Variants in CDH12 observed in about 807,000 individuals in gnomAD.
CDH12 encodes cadherin 12.
In CDH12, 41 loss-of-function variants were observed where a neutral mutation model predicts 74.1. The ratio of observed to expected loss-of-function variants is 0.55; its 90% CI spans 0.43 to 0.72. The LOEUF is 0.72. CDH12 is among the 30% of genes least tolerant of loss of function. The pLI is 0.00. For missense variants in CDH12, 945 were observed against 977.2 expected (o/e 0.97, Z 0.44); for synonymous variants, 399 against 355.0 (o/e 1.12, Z -1.39).
intron 1 of CDH12, among the ~76,000 whole-genome samples, chr5:22,513,236 C>T (rs1409323687): frequency 5.3e-5 from 8 of 152,102 alleles, no homozygotes; most frequent in Admixed American, 5.2e-4. Flanking sequence ...ACTGTGAGGT[C>T]CACCACCAAC....
chr5:22,747,221 G>C (rs547032619), intron 1 of CDH12, among the ~76,000 whole-genome samples: 4 of 152,004 alleles, frequency 2.6e-5, no homozygotes, highest in Non-Finnish European at 2.9e-5. Flanking sequence ...TTACAGAAAG[G>C]CTTACCTATA....
intron 4 of CDH12, among the ~76,000 whole-genome samples, chr5:22,124,084 C>T (rs1444145365): frequency 3.3e-5 from 5 of 151,932 alleles, no homozygotes; most frequent in African/African-American, 1.2e-4. Context: ...TCTCCTGCCT[C>T]AGCCTCCCCA....
intron 1 of CDH12, among the ~76,000 whole-genome samples, chr5:22,742,806 G>T (rs1745094639): frequency 6.6e-6 from 1 of 151,454 alleles, no homozygotes; most frequent in Non-Finnish European, 1.5e-5. Flanking sequence ...AGGTATATTT[G>T]CATTCCACTA....
chr5:22,305,928 T>A (rs974455832), intron 3 of CDH12, among the ~76,000 whole-genome samples: 5 of 152,132 alleles, frequency 3.3e-5, no homozygotes, highest in African/African-American at 4.8e-5. Context: ...CCCTGAATGA[T>A]CTTCTTTCAT....
chr5:21,872,419 A>T (rs1751672414), intron 6 of CDH12, among the ~76,000 whole-genome samples: 1 of 152,136 alleles, frequency 6.6e-6, no homozygotes, highest in Admixed American at 6.5e-5. Context: ...ATCAATACAA[A>T]TGCTAATGCC....
At chr5:21,923,176 G>T (rs1219986007) in intron 6 of CDH12, among the ~76,000 whole-genome samples, 5 of 151,970 alleles carry the variant, frequency 3.3e-5, no homozygotes, top group African/African-American at 1.2e-4. Context: ...ATACAGCTAA[G>T]TTACGTTATG....
chr5:21,795,667 A>G (rs954342286), intron 10 of CDH12, among the ~76,000 whole-genome samples: 1 of 152,010 alleles, frequency 6.6e-6, no homozygotes, highest in African/African-American at 2.4e-5. Flanking sequence ...TGTGAGGTAG[A>G]TGAGAAAGAG....
chr5:22,256,338 T>G (rs1293414843), intron 3 of CDH12, among the ~76,000 whole-genome samples: 1 of 152,134 alleles, frequency 6.6e-6, no homozygotes, highest in Admixed American at 6.6e-5. Context: ...CTAGTGACAC[T>G]GTAGCCACCT....
At chr5:22,167,305 C>A (rs564782496) in intron 4 of CDH12, among the ~76,000 whole-genome samples, 1 of 152,288 alleles carries the variant, frequency 6.6e-6, no homozygotes, top group African/African-American at 2.4e-5. Context: ...TCAAGTAAAT[C>A]ATTCACGAAG....
At chr5:22,408,231 C>T (rs922994367) in intron 2 of CDH12, among the ~76,000 whole-genome samples, 2 of 135,434 alleles carry the variant, frequency 1.5e-5, no homozygotes, top group South Asian at 2.2e-4. Context: ...AAGATAGATT[C>T]TTAAAGTCAA....
intron 1 of CDH12, among the ~76,000 whole-genome samples, chr5:22,737,248 C>T (rs1744776728): frequency 6.6e-6 from 1 of 151,448 alleles, no homozygotes; most frequent in African/African-American, 2.4e-5. Flanking sequence ...CTTTTGATTC[C>T]CCTATTTTCA....
chr5:22,396,645 T>C (rs1439672469), intron 3 of CDH12, among the ~76,000 whole-genome samples: 4 of 152,134 alleles, frequency 2.6e-5, no homozygotes, highest in Non-Finnish European at 5.9e-5. Context: ...ACATGCAGTG[T>C]AAATTCAGGC....
intron 3 of CDH12, among the ~76,000 whole-genome samples, chr5:22,261,073 G>GTATA (rs70959709): frequency 6.7e-6 from 1 of 149,966 alleles, no homozygotes; most frequent in South Asian, 2.1e-4. Flanking sequence ...GTGTGTGTGT[G>GTATA]TATATACACA....
intron 3 of CDH12, among the ~76,000 whole-genome samples, chr5:22,391,112 G>A (rs2126418341): frequency 6.6e-6 from 1 of 152,180 alleles, no homozygotes; most frequent in Non-Finnish European, 1.5e-5. Context: ...GGTGGTGCTG[G>A]GAACAGAGCA....
chr5:21,873,189 A>G lies in CDH12; in HGVS notation c.527-18399T>C, dbSNP rs1044754511. Among the ~76,000 whole-genome samples, 22 of 152,276 alleles carry G rather than the reference A, an allele frequency of 1.4e-4. 1 individual carries two copies. The highest frequency in any genetic ancestry group is 4.1e-4 in the African/African-American group (17 of 41,546). ...TCCCACCTAATCCTATGAACTGTTC[A>G]TATTTATATTAATATATCACCATCT... is the stretch of plus-strand genomic sequence containing the variant. On this transcript the variant is annotated intron_variant, in intron 6 of 14. Coordinates refer to ENST00000382254, the MANE Select transcript of CDH12 (RefSeq NM_004061.5).
intron 1 of CDH12, among the ~76,000 whole-genome samples, chr5:22,520,643 C>G (rs148534648): frequency 5.3e-4 from 80 of 152,084 alleles, no homozygotes; most frequent in African/African-American, 1.9e-3. Flanking sequence ...TGGAGGAGCT[C>G]AACACATTAA....
intron 1 of CDH12, among the ~76,000 whole-genome samples, chr5:22,690,990 G>A (rs936332511): frequency 6.6e-6 from 1 of 152,060 alleles, no homozygotes; most frequent in African/African-American, 2.4e-5. Context: ...TCCATGCAAT[G>A]AGTTTTATTT....
chr5:22,100,337 C>A (rs1455855840), intron 4 of CDH12, among the ~76,000 whole-genome samples: 1 of 151,902 alleles, frequency 6.6e-6, no homozygotes, highest in Non-Finnish European at 1.5e-5. Flanking sequence ...TGCGTAGAGA[C>A]TGAATTATAA....
chr5:22,528,424 A>G (rs1341307058), intron 1 of CDH12, among the ~76,000 whole-genome samples: 1 of 152,088 alleles, frequency 6.6e-6, no homozygotes, highest in Non-Finnish European at 1.5e-5. Context: ...TTCTCAATGA[A>G]TACCCTCCTT....
Sources: allele counts gnomAD v4.1 joint callset (sites outside exome capture counted in the v4.1 genomes callset), GRCh38; gene constraint gnomAD v4.1.1; transcripts MANE v1.5; gene names NCBI Gene and HGNC (gene_info 2026-07-23, HGNC 2026-07-21).